The following KATNAL2 variants were observed in gnomAD, a reference collection of about 807,000 sequenced individuals.
The protein encoded by KATNAL2 is katanin catalytic subunit A1 like 2, also known as katanin p60 ATPase-containing subunit A-like 2.
A neutral mutation model predicts 76.3 loss-of-function variants in KATNAL2; 52 were observed. That is an observed-to-expected ratio of 0.68 (90% CI 0.55 to 0.86). The LOEUF (loss-of-function observed/expected upper bound fraction) is 0.86, where lower values mean the gene tolerates loss of function less well. Ranked by LOEUF, KATNAL2 falls within the 40% of genes least tolerant of loss-of-function variation. The probability of loss-of-function intolerance (pLI) is 0.00; values close to 1 mark genes in which losing one functional copy is unlikely to be tolerated. For missense variants in KATNAL2, 660 were observed against 668.9 expected, an observed-to-expected ratio of 0.99 and a Z score of 0.15; for synonymous variants, 243 against 244.2, an observed-to-expected ratio of 1.00 and a Z score of 0.05.
At chr18:46,941,830 C>A (rs944326284) in intron 1 of KATNAL2, among the ~76,000 whole-genome samples, 28 of 152,176 alleles carry the variant, frequency 1.8e-4, no homozygotes, top group Non-Finnish European at 1.6e-4. Flanking sequence ...ATAAAATTTT[C>A]TTTTTAATTC....
chr18:46,939,521 T>C (rs1297016947), intron 1 of KATNAL2, among the ~76,000 whole-genome samples: 1 of 152,120 alleles, frequency 6.6e-6, no homozygotes, highest in Non-Finnish European at 1.5e-5. Flanking sequence ...GCCAGGCATT[T>C]CCAAGCACTG....
In KATNAL2 at chr18:46,957,249, CTTTTTTTTTTTT is replaced by C. The variant is rs1223846865; in HGVS notation, c.51+10339_51+10350del. 6.1e-4 allele frequency among the ~76,000 whole-genome samples: 45 copies of C among 73,940 alleles called. 1 individual carries two copies. Among genetic ancestry groups the C allele is most frequent in the Non-Finnish European group, 7.0e-4 (29 of 41,192 alleles). The allele number at this position is 73,940 out of a possible 152,430, so 48.5% of individuals were successfully genotyped here. ...ATTGAGAAAAGCAGATTGCCCTCTT[CTTTTTTTTTTTT>C]TTTTTTTTTTTTGAGACGGAGTCTC... On this transcript the variant is annotated intron_variant, in intron 3 of 17. Coordinates refer to ENST00000683218, the MANE Select transcript of KATNAL2 (RefSeq NM_001387690.1).
At chr18:47,052,310 A>C (rs1056475624) in intron 4 of KATNAL2, among the ~76,000 whole-genome samples, 4 of 152,246 alleles carry the variant, frequency 2.6e-5, no homozygotes, top group Admixed American at 2.6e-4. Context: ...TGATTAAAAA[A>C]TTACCAGAAA....
chr18:47,035,960 A>C (rs1405281084), intron 3 of KATNAL2, among the ~76,000 whole-genome samples: 2 of 152,228 alleles, frequency 1.3e-5, no homozygotes, highest in South Asian at 4.1e-4. Context: ...CAGGGATTAA[A>C]AGACAAAAAT....
chr18:47,084,211 T>C, intron 15 of KATNAL2: 1 of 588,488 alleles, frequency 1.7e-6, no homozygotes, highest in Non-Finnish European at 3.0e-6. Context: ...GATGTCTTTC[T>C]GTTATCTATG....
chr18:46,943,519 A>G (rs769241980), intron 1 of KATNAL2, among the ~76,000 whole-genome samples: 5 of 152,234 alleles, frequency 3.3e-5, no homozygotes, highest in Non-Finnish European at 5.9e-5. Context: ...CACCAGCACC[A>G]TGACAGTTTA....
At position 47,100,987 on chromosome 18, in the gene KATNAL2, A is replaced by G; in HGVS notation, c.1599A>G (p.Arg533=). 1.2e-6 allele frequency: 2 copies of G among 1,614,034 alleles called. No homozygotes were observed. Among genetic ancestry groups the G allele is most frequent in the Non-Finnish European group, 1.7e-6 (2 of 1,179,936 alleles). Residue 533 remains arginine, a synonymous_variant, in exon 18 of 18, where the codon AGA becomes AGG. Coordinates refer to ENST00000683218, the MANE Select transcript of KATNAL2 (RefSeq NM_001387690.1). ...CTCAGAGATACTCAGACTGGCAAAG[A>G]GAGTTCGAGTCTGTCTGAAACCACA... ...NLAQRYSDWQ[R]EFESV
At chr18:47,088,174 G>C (rs1310138636) in intron 15 of KATNAL2, among the ~76,000 whole-genome samples, 1 of 152,154 alleles carries the variant, frequency 6.6e-6, no homozygotes, top group Non-Finnish European at 1.5e-5. Flanking sequence ...TTGTCATGGG[G>C]TGTTTGAATC....
Position 46,923,033 on chromosome 18 carries a change from C to A in KATNAL2, c.-510+5107C>A, listed in dbSNP as rs1175921562. Among the ~76,000 whole-genome samples, 3 of 145,984 alleles carry A rather than the reference C, an allele frequency of 2.1e-5. No homozygotes were observed. In the East Asian group the frequency reaches 5.9e-4, roughly 29 times the overall value. On this transcript the variant is annotated intron_variant, in intron 1 of 17. Coordinates refer to ENST00000683218, the MANE Select transcript of KATNAL2 (RefSeq NM_001387690.1). ...ACATACAGAACTTTTTTTTTTTAGA[C>A]CTTTAGTAAGATCTCAACTTATTTT...
chr18:47,090,678 T>C (rs1326026386), intron 15 of KATNAL2, among the ~76,000 whole-genome samples: 1 of 152,300 alleles, frequency 6.6e-6, no homozygotes, highest in East Asian at 1.9e-4. Context: ...AGAGAGCACT[T>C]GATCTGGGTC....
At chr18:47,084,912 G>A (rs1332803356) in intron 15 of KATNAL2, among the ~76,000 whole-genome samples, 1 of 137,576 alleles carries the variant, frequency 7.3e-6, no homozygotes, top group Non-Finnish European at 1.5e-5. Context: ...ACTTACCTGA[G>A]TCTAGAATCT....
At position 47,066,911 on chromosome 18, in the gene KATNAL2, C is replaced by G. The variant is rs73954222; in HGVS notation, c.727-110C>G. On this transcript the variant is annotated intron_variant, in intron 10 of 17. Coordinates refer to ENST00000683218, the MANE Select transcript of KATNAL2 (RefSeq NM_001387690.1). The stretch of plus-strand genomic sequence containing the variant: ...TATATATAATATGAACAGTTTTTAT[C>G]ACCAGCACTTTATATCCTATTGTAA... 3.3e-3 allele frequency: 533 copies of G among 160,970 alleles called. 8 individuals are homozygous for G. Among genetic ancestry groups the G allele is most frequent in the African/African-American group, 0.017 (505 of 30,524 alleles). 10.0% of individuals were successfully genotyped at this position (160,970 alleles called of 1,614,324 possible).
chr18:46,936,733 C>G (rs551317634), intron 1 of KATNAL2, among the ~76,000 whole-genome samples: 59 of 152,148 alleles, frequency 3.9e-4, no homozygotes, highest in Non-Finnish European at 7.2e-4. Context: ...AGGTGGATCA[C>G]TTGAGATGAG....
intron 11 of KATNAL2, 85 bp downstream of exon 11, chr18:47,067,204 G>A: frequency 1.7e-6 from 1 of 587,722 alleles, no homozygotes; most frequent in South Asian, 3.1e-5. Context: ...AGGAAGGGAA[G>A]GGCAGGATGA....
chr18:47,038,833 C>T, intron 3 of KATNAL2, among the ~76,000 whole-genome samples: 1 of 152,146 alleles, frequency 6.6e-6, no homozygotes, highest in East Asian at 1.9e-4. Context: ...ATAAAACCCA[C>T]AAGAAAAACT....
chr18:47,095,555 C>T (rs1278403946), intron 15 of KATNAL2, among the ~76,000 whole-genome samples: 1 of 152,206 alleles, frequency 6.6e-6, no homozygotes, highest in South Asian at 2.1e-4. Flanking sequence ...AATTAAACCC[C>T]TTTCCTTTAT....
chr18:47,034,303 T>C, intron 3 of KATNAL2: 3 of 1,613,426 alleles, frequency 1.9e-6, no homozygotes, highest in South Asian at 1.1e-5. Context: ...GTCCCGGCCG[T>C]CTAGACTGGG....
intron 1 of KATNAL2, among the ~76,000 whole-genome samples, chr18:46,932,887 C>G (rs1370571983): frequency 6.6e-6 from 1 of 151,730 alleles, no homozygotes; most frequent in Admixed American, 6.6e-5. Flanking sequence ...GCCTCAACCT[C>G]CTTAGTAACT....
chr18:46,917,694 C>T lies in KATNAL2; in HGVS notation c.-742C>T, dbSNP rs1026386954. 2.6e-6 allele frequency: 1 copy of T among 391,894 alleles called. No homozygotes were observed. The highest frequency in any genetic ancestry group is 3.5e-6 in the Non-Finnish European group (1 of 286,260). The allele number at this position is 391,894 out of a possible 1,614,324, so 24.3% of individuals were successfully genotyped here. Reference sequence around the variant, plus strand: ...GGCCCCAGGTCGTGCCTTCCCTCCCCGGCGGAGGCCCCTGCGGACTGCCTA... The same window carrying T: ...GGCCCCAGGTCGTGCCTTCCCTCCCTGGCGGAGGCCCCTGCGGACTGCCTA... On this transcript the variant is annotated 5_prime_UTR_variant, in exon 1 of 18. Coordinates refer to ENST00000683218, the MANE Select transcript of KATNAL2 (RefSeq NM_001387690.1).
Sources: gnomAD v4.1 joint callset for allele counts (sites outside exome capture counted in the v4.1 genomes callset) on GRCh38, gnomAD v4.1.1 for gene constraint, MANE v1.5 for transcripts, NCBI Gene and HGNC (gene_info 2026-07-23, HGNC 2026-07-21) for gene names.